OGDH: variants seen among roughly 807,000 people sequenced by gnomAD.
The protein encoded by OGDH is 2-oxoglutarate dehydrogenase complex component E1.
A neutral mutation model predicts 116.6 loss-of-function variants in OGDH; 38 were observed. That is an observed-to-expected ratio of 0.33 (90% CI 0.25 to 0.43). The LOEUF is 0.43. Ranked by LOEUF, OGDH falls within the 20% of genes least tolerant of loss-of-function variation. The pLI is 1.00. For missense variants in OGDH, 825 were observed against 1,357.2 expected (o/e 0.61, Z 6.16); for synonymous variants, 488 against 533.3 (o/e 0.92, Z 1.17).
rs1787232489 is a variant in OGDH, at chr7:44,667,409, AG to A, written c.633+561del. Among the ~76,000 whole-genome samples the A allele has an allele frequency of 6.6e-5, 10 of 152,316 alleles. No individual in the cohort carries two copies. The South Asian group carries it at 2.1e-3, about 32-fold the overall frequency. On this transcript the variant is annotated intron_variant, in intron 5 of 22. Transcript: ENST00000222673. Reference sequence around the variant, plus strand: ...TGGAAGGAGAGTCACTTCAACCCTGAGGGACAGGCCTCAAGTCAGGGGTGGC... The same window carrying A: ...TGGAAGGAGAGTCACTTCAACCCTGAGGACAGGCCTCAAGTCAGGGGTGGC...
rs1789110572 is a variant in OGDH at position 44,707,044 on chromosome 7, GCTT to G, written c.2633-180_2633-178del. On this transcript the variant is annotated intron_variant, in intron 20 of 22. Coordinates refer to ENST00000222673, the MANE Select transcript of OGDH (RefSeq NM_002541.4). The surrounding 1 kb of genome is among the most constrained non-coding windows in gnomAD (Gnocchi z 5.2). The stretch of plus-strand genomic sequence containing the variant: ...GCTGTGTATTTGTTACACGTAACGT[GCTT>G]TTCAAAGTGTGCCTGGTCTGAGCAA... 6.6e-6 allele frequency among the ~76,000 whole-genome samples: 1 copy of G among 152,214 alleles called. No homozygotes were observed. Among genetic ancestry groups the G allele is most frequent in the African/African-American group, 2.4e-5 (1 of 41,458 alleles).
At chr7:44,615,289 CGGTGT>C (rs1562609219) in intron 1 of OGDH, among the ~76,000 whole-genome samples, 2 of 152,108 alleles carry the variant, frequency 1.3e-5, no homozygotes, top group African/African-American at 2.4e-5. Context: ...GTTGCTGGTG[CGGTGT>C]CTGGGGGGAG....
chr7:44,637,563 C>T (rs1184774204), intron 2 of OGDH, among the ~76,000 whole-genome samples: 1 of 152,098 alleles, frequency 6.6e-6, no homozygotes, highest in Non-Finnish European at 1.5e-5. Flanking sequence ...TAATCCCAGC[C>T]CTTTTGGGAG....
intron 4 of OGDH, among the ~76,000 whole-genome samples, chr7:44,655,946 A>G (rs1226836744): frequency 1.3e-5 from 2 of 152,120 alleles, no homozygotes; most frequent in South Asian, 2.1e-4. Context: ...CTTTTCCTCA[A>G]TTTTCATCTC....
At chr7:44,624,222 C>A in intron 1 of OGDH, 95 bp from the exon 2 acceptor site, 2 of 811,834 alleles carry the variant, frequency 2.5e-6, no homozygotes, top group Non-Finnish European at 3.9e-6. Flanking sequence ...AAAAATTATC[C>A]TTTCTCTAGA....
Position 44,647,740 on chromosome 7 carries a change from C to T in OGDH, c.498C>T (p.Ile166=), listed in dbSNP as rs1463292755. 6.2e-7 allele frequency: 1 copy of T among 1,614,028 alleles called. No individual in the cohort carries two copies. The highest frequency in any genetic ancestry group is 2.2e-5 in the East Asian group (1 of 44,874). Residue 166 remains isoleucine, a synonymous_variant, in exon 4 of 23, where the codon ATC becomes ATT. Coordinates refer to ENST00000222673, the MANE Select transcript of OGDH (RefSeq NM_002541.4). ...ACTCCTCCGTGCCCGCTGACATTATCTCATCCACAGACAAACTTGGTGAGG... is the reference window on the plus strand; with the variant it reads ...ACTCCTCCGTGCCCGCTGACATTATTTCATCCACAGACAAACTTGGTGAGG... ...DLDSSVPADI[I]SSTDKLGFYG... is the part of the protein sequence containing the mutation.
At chr7:44,608,542 T>TA (rs1312805175) in intron 1 of OGDH, among the ~76,000 whole-genome samples, 1 of 151,928 alleles carries the variant, frequency 6.6e-6, no homozygotes, top group Non-Finnish European at 1.5e-5. Flanking sequence ...CTACTAAAAA[T>TA]ACAAAAGTTA....
chr7:44,654,124 G>C (rs993233233), intron 4 of OGDH, among the ~76,000 whole-genome samples: 4 of 152,222 alleles, frequency 2.6e-5, no homozygotes, highest in African/African-American at 9.6e-5. Context: ...CAAAGTGCTG[G>C]GATTATAGGC....
chr7:44,630,769 C>A (rs1374629724), intron 2 of OGDH, among the ~76,000 whole-genome samples: 1 of 152,212 alleles, frequency 6.6e-6, no homozygotes, highest in African/African-American at 2.4e-5. Context: ...TGGCAGCAGT[C>A]CCCAACTCCT....
intron 1 of OGDH, among the ~76,000 whole-genome samples, chr7:44,616,826 T>TACAC (rs1784812704): frequency 2.9e-5 from 4 of 137,392 alleles, no homozygotes; most frequent in Admixed American, 2.2e-4. Flanking sequence ...CGTATATATG[T>TACAC]GTATATATAC....
intron 4 of OGDH, among the ~76,000 whole-genome samples, chr7:44,654,429 A>G (rs1347417264): frequency 6.6e-6 from 1 of 152,222 alleles, no homozygotes; most frequent in African/African-American, 2.4e-5. Flanking sequence ...GTTTCCACAT[A>G]TCCTCCTGAC....
At chr7:44,651,588 A>G (rs1441301850) in intron 4 of OGDH, among the ~76,000 whole-genome samples, 4 of 151,968 alleles carry the variant, frequency 2.6e-5, no homozygotes, top group Non-Finnish European at 4.4e-5. Flanking sequence ...TTGAGATGGA[A>G]TTTTGCTCTT....
At chr7:44,687,589 T>A (rs920117055) in intron 10 of OGDH, among the ~76,000 whole-genome samples, 2 of 151,772 alleles carry the variant, frequency 1.3e-5, no homozygotes, top group African/African-American at 4.8e-5. Context: ...CTAATTTTTA[T>A]GGTTTTTTTT....
chr7:44,676,194 A>G, intron 9 of OGDH, 45 bp downstream of exon 9: 2 of 1,613,962 alleles, frequency 1.2e-6, no homozygotes, highest in South Asian at 1.1e-5. Flanking sequence ...TCAAGGCCCC[A>G]TGTTCCAGCA....
Position 44,698,079 on chromosome 7 carries a change from C to T in OGDH, c.2359-113C>T, listed in dbSNP as rs183075843. ...GGAGGGGGAAGGAACTGAACCCTGC[C>T]ATCAAGAAAAAAGATAACCAGAAAT... is the stretch of plus-strand genomic sequence containing the variant. On this transcript the variant is annotated intron_variant, in intron 17 of 22. Transcript: ENST00000222673. 883 of 1,231,478 alleles carry T rather than the reference C, an allele frequency of 7.2e-4. 7 individuals are homozygous for T. In the East Asian group the frequency reaches 0.019, roughly 27 times the overall value. 76.3% of individuals were successfully genotyped at this position (1,231,478 alleles called of 1,614,324 possible).
At chr7:44,672,332 C>T (rs1236758072) in intron 5 of OGDH, among the ~76,000 whole-genome samples, 1 of 152,154 alleles carries the variant, frequency 6.6e-6, no homozygotes, top group Admixed American at 6.5e-5. Flanking sequence ...TTTAACTGCT[C>T]ATGCCAGCTG....
intron 7 of OGDH, 140 bp downstream of exon 7, chr7:44,674,697 G>T (rs770079537): frequency 1.1e-6 from 1 of 901,792 alleles, no homozygotes; most frequent in Non-Finnish European, 1.7e-6. Flanking sequence ...GTACCTGAGG[G>T]TGTATTGCTT....
chr7:44,669,292 T>C lies in OGDH; in HGVS notation c.633+2441T>C, dbSNP rs1383455027. 2.0e-5 allele frequency among the ~76,000 whole-genome samples: 3 copies of C among 151,820 alleles called. No individual in the cohort carries two copies. The East Asian group carries it at 5.8e-4, about 29-fold the overall frequency. ...TCAGCCTCCTGAGTAGCTGGGACTA[T>C]AGGAGCACACCACCATGCCTGGCTA... On this transcript the variant is annotated intron_variant, in intron 5 of 22. Coordinates refer to ENST00000222673, the MANE Select transcript of OGDH (RefSeq NM_002541.4).
rs1788191393 is a variant in OGDH at position 44,687,663 on chromosome 7, T to C, written c.1335+5815T>C. 3.3e-5 allele frequency among the ~76,000 whole-genome samples: 5 copies of C among 152,204 alleles called. No individual in the cohort carries two copies. In the South Asian group the frequency reaches 1.0e-3, roughly 32 times the overall value. ...GTCTTGAACTCCTGAGTTCAAGTGA[T>C]CCACCCTCCTCAGCCTCCCAAAGTG... is the stretch of plus-strand genomic sequence containing the variant. On this transcript the variant is annotated intron_variant, in intron 10 of 22. Transcript: ENST00000222673.
Sources: gnomAD v4.1 joint callset for allele counts (sites outside exome capture counted in the v4.1 genomes callset) on GRCh38, gnomAD v4.1.1 for gene constraint, Gnocchi (gnomAD v3.1) non-coding constraint, MANE v1.5 for transcripts, NCBI Gene and HGNC (gene_info 2026-07-23, HGNC 2026-07-21) for gene names.